CCT3: variants seen among roughly 807,000 people sequenced by gnomAD.
CCT3 encodes T-complex protein 1 subunit gamma.
In CCT3, 10 loss-of-function variants were observed where a neutral mutation model predicts 65.3. The ratio of observed to expected loss-of-function variants is 0.15; its 90% CI spans 0.09 to 0.26. The LOEUF (loss-of-function observed/expected upper bound fraction) is 0.26. CCT3 is among the 10% of genes least tolerant of loss of function. CCT3 has a pLI of 1.00. For missense variants in CCT3, 626 were observed against 708.7 expected, an observed-to-expected ratio of 0.88 and a Z score of 1.33; for synonymous variants, 225 against 242.3, an observed-to-expected ratio of 0.93 and a Z score of 0.66.
At chr1:156,309,631 G>A (rs1320317801) in intron 13 of CCT3, among the ~76,000 whole-genome samples, 1 of 151,828 alleles carries the variant, frequency 6.6e-6, no homozygotes, top group Admixed American at 6.6e-5. Context: ...TCCTCATGTT[G>A]GTCAGGCTGG....
chr1:156,332,925 AGT>A (rs1211495280), intron 5 of CCT3: 1 of 154,494 alleles, frequency 6.5e-6, no homozygotes. Flanking sequence ...AGTTGATGAA[AGT>A]GTGACCAGAG....
In CCT3 at chr1:156,338,284, A is replaced by G. The variant is rs1665551996; in HGVS notation, c.-100T>C. On this transcript the variant is annotated 5_prime_UTR_variant, in exon 1 of 14. Transcript: ENST00000295688. ...GAAGCCCAGAAAACGCTGCCTCCTC[A>G]GGGCTTACACCTCAACCCGCTACTC... The G allele has an allele frequency of 8.4e-7, 1 of 1,191,338 alleles. No individual in the cohort carries two copies. The highest frequency in any genetic ancestry group is 2.5e-5 in the East Asian group (1 of 39,492). The allele number at this position is 1,191,338 out of a possible 1,614,324, so 73.8% of individuals were successfully genotyped here. A position where few individuals can be genotyped will look rare whatever the true frequency, so the allele number is the denominator to read the frequency against.
intron 5 of CCT3, among the ~76,000 whole-genome samples, chr1:156,328,341 C>G (rs985728826): frequency 5.9e-5 from 9 of 152,104 alleles, no homozygotes; most frequent in Non-Finnish European, 7.4e-5. Context: ...CGGCCACGAC[C>G]CTGTCTGGGA....
At chr1:156,311,224 C>T (rs1457244892) in intron 11 of CCT3, 29 bp from the exon 12 acceptor site, 1 of 1,604,584 alleles carries the variant, frequency 6.2e-7, no homozygotes, top group Non-Finnish European at 8.5e-7. Context: ...CAGTATGAAG[C>T]CAAAGCTTGA....
intron 13 of CCT3, among the ~76,000 whole-genome samples, chr1:156,309,882 G>T (rs1664004464): frequency 6.7e-6 from 1 of 150,152 alleles, no homozygotes; most frequent in African/African-American, 2.4e-5. Context: ...ACTAAAAATA[G>T]AAAAAATTAG....
chr1:156,332,039 A>C (rs1435284802), intron 5 of CCT3, among the ~76,000 whole-genome samples: 1 of 124,516 alleles, frequency 8.0e-6, no homozygotes, highest in Non-Finnish European at 1.8e-5. Context: ...TCTCAAAAAA[A>C]AAAAGAGACA....
chr1:156,328,178 C>T (rs1323588349), intron 5 of CCT3, among the ~76,000 whole-genome samples: 19 of 126,700 alleles, frequency 1.5e-4, no homozygotes, highest in Admixed American at 2.3e-4. Context: ...CCCAGCCAGC[C>T]GCCCCGTCCG....
chr1:156,325,329 C>T (rs547305241), intron 5 of CCT3, among the ~76,000 whole-genome samples: 35 of 152,064 alleles, frequency 2.3e-4, no homozygotes, highest in Non-Finnish European at 4.6e-4. Context: ...AATTCAAGAT[C>T]AGCCTGGGCA....
At chr1:156,329,885 G>T (rs868169200) in intron 5 of CCT3, among the ~76,000 whole-genome samples, 46 of 151,802 alleles carry the variant, frequency 3.0e-4, no homozygotes, top group African/African-American at 9.4e-4. Flanking sequence ...GCTGCAGTGA[G>T]CCAAGATCGC....
chr1:156,310,501 AATAG>A, intron 13 of CCT3, 53 bp downstream of exon 13: 2 of 1,318,172 alleles, frequency 1.5e-6, no homozygotes, highest in Non-Finnish European at 1.0e-6. Context: ...AAAATAAATA[AATAG>A]ATAAATAAAT....
chr1:156,323,288 C>A (rs1439014499), intron 6 of CCT3, among the ~76,000 whole-genome samples: 1 of 136,138 alleles, frequency 7.3e-6, no homozygotes, highest in Non-Finnish European at 1.6e-5. Context: ...CCAGACTGGG[C>A]AACAAGTACA....
intron 4 of CCT3, among the ~76,000 whole-genome samples, chr1:156,334,111 C>T (rs970401557): frequency 9.9e-5 from 15 of 151,910 alleles, no homozygotes; most frequent in Admixed American, 9.2e-4. Context: ...TGGTGGCATG[C>T]GCTTGTAATT....
chr1:156,320,723 A>C lies in CCT3; in HGVS notation c.609+116T>G. On this transcript the variant is annotated intron_variant, in intron 7 of 13. Transcript: ENST00000295688. ...ACTCCAGCCTAGGCAACAAGGTGAG[A>C]CTCTGTCTCAAAAACAAAACAAAAC... 1.6e-5 allele frequency: 13 copies of C among 790,688 alleles called. No individual in the cohort carries two copies. The South Asian group carries it at 2.2e-4, about 13-fold the overall frequency. 49.0% of individuals were successfully genotyped at this position (790,688 alleles called of 1,614,324 possible).
At chr1:156,337,881 T>TG in intron 1 of CCT3, 2 of 518,936 alleles carry the variant, frequency 3.9e-6, no homozygotes, top group Non-Finnish European at 6.9e-6. Flanking sequence ...GCGTGGGGGC[T>TG]GAGGGACAGA....
intron 13 of CCT3, 104 bp from the exon 14 acceptor site, chr1:156,309,407 GTCTGAAA>G (rs1663974771): frequency 1.3e-6 from 1 of 771,790 alleles, no homozygotes; most frequent in African/African-American, 1.7e-5. Context: ...CTGCCATTTT[GTCTGAAA>G]TCTACCTTTT....
At chr1:156,331,640 G>A (rs1399750101) in intron 5 of CCT3, among the ~76,000 whole-genome samples, 5 of 151,484 alleles carry the variant, frequency 3.3e-5, no homozygotes, top group South Asian at 2.1e-4. Flanking sequence ...CTGAGATTGC[G>A]CCAATGCACT....
At chr1:156,320,172 A>G (rs1423173403) in intron 7 of CCT3, among the ~76,000 whole-genome samples, 9 of 151,916 alleles carry the variant, frequency 5.9e-5, no homozygotes, top group African/African-American at 1.9e-4. Flanking sequence ...TTGTGAGGCA[A>G]AGGTGGGCAG....
At chr1:156,324,866 A>T (rs1664735890) in intron 6 of CCT3, 106 bp downstream of exon 6, 1 of 704,190 alleles carries the variant, frequency 1.4e-6, no homozygotes. Flanking sequence ...TGACCTCAAG[A>T]TCCACCCGCC....
In CCT3 at chr1:156,312,326, T is replaced by G. The variant is rs1249698476; in HGVS notation, c.975-105A>C. 1.7e-5 allele frequency: 18 copies of G among 1,053,304 alleles called. No homozygotes were observed. In the East Asian group the frequency reaches 4.0e-4, roughly 23 times the overall value. The allele number at this position is 1,053,304 out of a possible 1,614,324, so 65.2% of individuals were successfully genotyped here. A position where few individuals can be genotyped will look rare whatever the true frequency, so the allele number is the denominator to read the frequency against. ...TAGGGATAAGGGCAAAAGTGGATTG[T>G]TGGAAACATCACTTAAGAGGTCTTG... On this transcript the variant is annotated intron_variant, in intron 10 of 13. Coordinates refer to ENST00000295688, the MANE Select transcript of CCT3 (RefSeq NM_005998.5).
Sources: allele counts gnomAD v4.1 joint callset (sites outside exome capture counted in the v4.1 genomes callset), GRCh38; gene constraint gnomAD v4.1.1; transcripts MANE v1.5; gene names NCBI Gene and HGNC (gene_info 2026-07-23, HGNC 2026-07-21).